CSMD1: variants seen among roughly 807,000 people sequenced by gnomAD.
The protein encoded by CSMD1 is CUB and sushi domain-containing protein 1.
CSMD1 carries 213 observed loss-of-function variants against 417.5 expected under a neutral mutation model. The observed-to-expected ratio is 0.51, with a 90% CI of 0.46 to 0.57. CSMD1 has a LOEUF of 0.57. Ranked by LOEUF, CSMD1 falls within the 20% of genes least tolerant of loss-of-function variation. CSMD1 has a pLI of 0.00. For synonymous variants in CSMD1, 2,862 were observed against 1,736.8 expected (o/e 1.65, Z -16.11); for missense variants, 6,923 against 4,529.7 (o/e 1.53, Z -15.17).
chr8:4,715,514 G>C (rs776348751), intron 1 of CSMD1, among the ~76,000 whole-genome samples: 1 of 152,042 alleles, frequency 6.6e-6, no homozygotes, highest in African/African-American at 2.4e-5. Context: ...TGTATCTCCA[G>C]ATCAGACTTC....
At chr8:3,472,332 G>C (rs997898972) in intron 11 of CSMD1, among the ~76,000 whole-genome samples, 1 of 152,064 alleles carries the variant, frequency 6.6e-6, no homozygotes, top group African/African-American at 2.4e-5. Context: ...TATTGTAAGT[G>C]TGTACTTTCT....
At chr8:3,465,687 A>C (rs1024192181) in intron 12 of CSMD1, among the ~76,000 whole-genome samples, 1 of 152,218 alleles carries the variant, frequency 6.6e-6, no homozygotes, top group Non-Finnish European at 1.5e-5. Context: ...TGGAGTAGGT[A>C]GGTCAGTAAG....
chr8:3,194,627 AT>A (rs34246085), intron 33 of CSMD1, among the ~76,000 whole-genome samples: 4,592 of 141,822 alleles, frequency 0.032, 234 homozygotes, highest in African/African-American at 0.11. Context: ...TTGGCTAATA[AT>A]TTTTTTTTTT....
At chr8:4,198,325 G>C (rs1166626868) in intron 3 of CSMD1, among the ~76,000 whole-genome samples, 1 of 152,238 alleles carries the variant, frequency 6.6e-6, no homozygotes, top group Non-Finnish European at 1.5e-5. Flanking sequence ...CCCGACAAGA[G>C]TACGTCATGG....
intron 26 of CSMD1, among the ~76,000 whole-genome samples, chr8:3,276,943 A>G (rs1230210334): frequency 6.6e-6 from 1 of 152,186 alleles, no homozygotes. Context: ...ACAATGGGCT[A>G]AGCACTATTA....
intron 41 of CSMD1, among the ~76,000 whole-genome samples, chr8:3,132,689 T>G (rs1391466420): frequency 6.6e-6 from 1 of 152,204 alleles, no homozygotes; most frequent in East Asian, 1.9e-4. Context: ...AGAGGGCAGT[T>G]GCTTTATTAC....
At chr8:3,626,507 T>A (rs1796500363) in intron 7 of CSMD1, among the ~76,000 whole-genome samples, 1 of 152,074 alleles carries the variant, frequency 6.6e-6, no homozygotes, top group Non-Finnish European at 1.5e-5. Flanking sequence ...TATATAGTTA[T>A]AGTTAAACAT....
At chr8:4,506,974 C>G (rs1375953057) in intron 2 of CSMD1, among the ~76,000 whole-genome samples, 1 of 151,992 alleles carries the variant, frequency 6.6e-6, no homozygotes. Context: ...TTTTCATAAA[C>G]AAAATTGAAT....
chr8:3,124,005 A>G (rs1436436823), intron 41 of CSMD1, among the ~76,000 whole-genome samples: 3 of 152,122 alleles, frequency 2.0e-5, no homozygotes, highest in African/African-American at 4.8e-5. Flanking sequence ...TCTATGAAAA[A>G]CACCGAAATA....
At chr8:3,866,961 G>A (rs1805147118) in intron 5 of CSMD1, among the ~76,000 whole-genome samples, 1 of 152,154 alleles carries the variant, frequency 6.6e-6, no homozygotes, top group Admixed American at 6.5e-5. Flanking sequence ...CCATTTTCAT[G>A]AAAAACCATT....
chr8:4,158,104 C>G (rs1436756418), intron 3 of CSMD1, among the ~76,000 whole-genome samples: 1 of 117,290 alleles, frequency 8.5e-6, no homozygotes, highest in African/African-American at 3.3e-5. Flanking sequence ...TTTTTTTTTT[C>G]TGTTTGAGCT....
At chr8:4,184,477 G>A (rs1279714519) in intron 3 of CSMD1, among the ~76,000 whole-genome samples, 2 of 152,094 alleles carry the variant, frequency 1.3e-5, no homozygotes, top group African/African-American at 4.8e-5. Flanking sequence ...GCCACCAATG[G>A]CAGACTGGAT....
intron 2 of CSMD1, among the ~76,000 whole-genome samples, chr8:4,623,749 A>G (rs1292320021): frequency 6.6e-6 from 1 of 152,112 alleles, no homozygotes; most frequent in Admixed American, 6.6e-5. Context: ...GTGTATATAT[A>G]TATTTCATAT....
chr8:4,046,220 T>C (rs1798139639), intron 3 of CSMD1, among the ~76,000 whole-genome samples: 1 of 152,178 alleles, frequency 6.6e-6, no homozygotes, highest in Admixed American at 6.6e-5. Context: ...AAAAGCATTT[T>C]AACAATATAA....
intron 1 of CSMD1, among the ~76,000 whole-genome samples, chr8:4,849,326 G>C (rs879565362): frequency 9.2e-5 from 14 of 151,782 alleles, no homozygotes; most frequent in African/African-American, 2.9e-4. Context: ...AGTTTATAAA[G>C]AAAAAAGTAA....
intron 1 of CSMD1, among the ~76,000 whole-genome samples, chr8:4,796,198 G>T (rs533178908): frequency 2.6e-5 from 4 of 151,924 alleles, no homozygotes; most frequent in Non-Finnish European, 5.9e-5. Flanking sequence ...AGGAAGACCA[G>T]CTCCCCCTGC....
At chr8:4,925,638 C>A (rs1033188509) in intron 1 of CSMD1, among the ~76,000 whole-genome samples, 32 of 151,954 alleles carry the variant, frequency 2.1e-4, no homozygotes, top group Non-Finnish European at 3.8e-4. Context: ...GCTCTGCCTC[C>A]CGGGTTCACG....
intron 8 of CSMD1, among the ~76,000 whole-genome samples, chr8:3,604,359 C>T (rs1040070718): frequency 1.3e-5 from 2 of 152,030 alleles, no homozygotes; most frequent in Non-Finnish European, 2.9e-5. Flanking sequence ...GGAACAGGTA[C>T]CTCATGGGGT....
At chr8:4,337,991 T>C (rs911302837) in intron 3 of CSMD1, among the ~76,000 whole-genome samples, 3 of 152,152 alleles carry the variant, frequency 2.0e-5, no homozygotes, top group African/African-American at 7.2e-5. Flanking sequence ...AAAATGTCTG[T>C]ATTCCCAAAT....
Sources: gnomAD v4.1 joint callset for allele counts (sites outside exome capture counted in the v4.1 genomes callset) on GRCh38, gnomAD v4.1.1 for gene constraint, MANE v1.5 for transcripts, NCBI Gene and HGNC (gene_info 2026-07-23, HGNC 2026-07-21) for gene names.